The following L3MBTL3 variants were observed in gnomAD, a reference collection of about 807,000 sequenced individuals.
L3MBTL3 encodes the protein lethal(3)malignant brain tumor-like protein 3.
In L3MBTL3, 27 loss-of-function variants were observed where a neutral mutation model predicts 102.3. That is an observed-to-expected ratio of 0.26 (90% CI 0.19 to 0.36). The LOEUF is 0.36. Ranked by LOEUF, L3MBTL3 falls within the 10% of genes least tolerant of loss-of-function variation. The pLI is 1.00. For synonymous variants in L3MBTL3, 340 were observed against 320.9 expected (o/e 1.06, Z -0.64); for missense variants, 798 against 955.3 (o/e 0.84, Z 2.17).
At chr6:130,134,542 C>CT (rs1009763043) in intron 22 of L3MBTL3, among the ~76,000 whole-genome samples, 7 of 152,180 alleles carry the variant, frequency 4.6e-5, no homozygotes, top group African/African-American at 1.7e-4. Flanking sequence ...TGGTTTCTAA[C>CT]TTTTAATTCT....
intron 2 of L3MBTL3, among the ~76,000 whole-genome samples, chr6:130,036,628 G>T (rs1780084099): frequency 6.6e-6 from 1 of 152,110 alleles, no homozygotes; most frequent in Non-Finnish European, 1.5e-5. Context: ...GGATTTTGCT[G>T]CTGTGAATTT....
chr6:130,133,636 C>G lies in L3MBTL3; in HGVS notation c.2136+15C>G. ...GCACAGACGAGGTATATTTTATTTT[C>G]TTTGCTGCCCGACACCAGATACAGG... On this transcript the variant is annotated intron_variant, in intron 21 of 22. Transcript: ENST00000361794. This position sits in a 1 kb window ranked among gnomAD's most constrained non-coding sequence, Gnocchi z 4.9. 6.2e-7 allele frequency: 1 copy of G among 1,611,396 alleles called. No homozygotes were observed. The highest frequency in any genetic ancestry group is 8.5e-7 in the Non-Finnish European group (1 of 1,179,694).
chr6:130,025,589 C>T lies in L3MBTL3; in HGVS notation c.-16+3284C>T, dbSNP rs370108027. Among the ~76,000 whole-genome samples, 724 of 152,220 alleles carry T rather than the reference C, an allele frequency of 4.8e-3. 60 individuals are homozygous for T. In the South Asian group the frequency reaches 0.14, roughly 29 times the overall value. Reference sequence around the variant, plus strand: ...AATGAACAAGGATCTTTGAGAGGAACTTGAGTAAAGTTAAGTTGGGTGATC... The same window carrying T: ...AATGAACAAGGATCTTTGAGAGGAATTTGAGTAAAGTTAAGTTGGGTGATC... On this transcript the variant is annotated intron_variant, in intron 2 of 22. Transcript: ENST00000361794.
At chr6:130,055,778 G>C (rs1781464177) in intron 8 of L3MBTL3, among the ~76,000 whole-genome samples, 2 of 149,788 alleles carry the variant, frequency 1.3e-5, no homozygotes. Flanking sequence ...CTCTGTTCTT[G>C]TTCATTTCCC....
chr6:130,084,848 G>A (rs1412397621), intron 15 of L3MBTL3, among the ~76,000 whole-genome samples: 1 of 151,852 alleles, frequency 6.6e-6, no homozygotes. Context: ...TTTGTTGTTT[G>A]AGTCAGGGTC....
chr6:130,050,283 G>A (rs184775259), intron 5 of L3MBTL3, among the ~76,000 whole-genome samples: 7 of 152,274 alleles, frequency 4.6e-5, no homozygotes, highest in East Asian at 1.9e-4. Context: ...CTACCTGCTC[G>A]CCTTGTCTCC....
chr6:130,108,220 G>GTTTTTTTTTTTTTT (rs376419261), intron 19 of L3MBTL3, among the ~76,000 whole-genome samples: 3 of 118,720 alleles, frequency 2.5e-5, no homozygotes, highest in Admixed American at 9.6e-5. Flanking sequence ...ATGTTAGGTG[G>GTTTTTTTTTTTTTT]TTTTTTTTTT....
At chr6:130,073,509 A>AT (rs34136329) in intron 13 of L3MBTL3, among the ~76,000 whole-genome samples, 2 of 152,050 alleles carry the variant, frequency 1.3e-5, no homozygotes, top group Non-Finnish European at 2.9e-5. Context: ...TTTGGGGAGG[A>AT]TTTTTTTAAA....
chr6:130,086,398 A>G, intron 16 of L3MBTL3, 148 bp downstream of exon 16: 1 of 639,160 alleles, frequency 1.6e-6, no homozygotes, highest in South Asian at 1.9e-5. Flanking sequence ...TTTGTAAATC[A>G]GCATTCTTCC....
intron 13 of L3MBTL3, among the ~76,000 whole-genome samples, chr6:130,071,578 C>T (rs551577095): frequency 5.9e-4 from 89 of 151,784 alleles, no homozygotes; most frequent in African/African-American, 2.1e-3. Context: ...ATAATAAAGC[C>T]ATTATATTTT....
intron 2 of L3MBTL3, among the ~76,000 whole-genome samples, chr6:130,029,083 T>C (rs1213394099): frequency 6.6e-6 from 1 of 152,212 alleles, no homozygotes; most frequent in Non-Finnish European, 1.5e-5. Flanking sequence ...TCATAAGAGA[T>C]AACAAAATGG....
At chr6:130,125,585 A>G (rs891728214) in intron 20 of L3MBTL3, among the ~76,000 whole-genome samples, 5 of 152,166 alleles carry the variant, frequency 3.3e-5, no homozygotes, top group Non-Finnish European at 7.4e-5. Context: ...GTCCTGGCAC[A>G]ATTCCTCTTT....
chr6:130,056,761 TC>T (rs1470654251), intron 8 of L3MBTL3, among the ~76,000 whole-genome samples: 1 of 152,130 alleles, frequency 6.6e-6, no homozygotes, highest in African/African-American at 2.4e-5. Context: ...TCACATTTTT[TC>T]CTTAAGTTTT....
chr6:130,077,935 A>G (rs1426529684), intron 13 of L3MBTL3, among the ~76,000 whole-genome samples: 3 of 152,202 alleles, frequency 2.0e-5, no homozygotes, highest in African/African-American at 4.8e-5. Flanking sequence ...AGAGAAAAAC[A>G]TGGCAAAAGT....
At chr6:130,050,392 C>T (rs988115118) in intron 5 of L3MBTL3, among the ~76,000 whole-genome samples, 1 of 152,222 alleles carries the variant, frequency 6.6e-6, no homozygotes, top group African/African-American at 2.4e-5. Context: ...TTCATGCTTT[C>T]TTGCCTTTAC....
intron 2 of L3MBTL3, among the ~76,000 whole-genome samples, chr6:130,031,323 A>G (rs1779709156): frequency 6.6e-6 from 1 of 152,102 alleles, no homozygotes; most frequent in Non-Finnish European, 1.5e-5. Flanking sequence ...CTAAAACACT[A>G]CCTTACTTTC....
chr6:130,102,234 T>C (rs966572474), intron 18 of L3MBTL3, among the ~76,000 whole-genome samples: 1 of 152,158 alleles, frequency 6.6e-6, no homozygotes. Flanking sequence ...CAAAGGATAC[T>C]GTGACTCTCT....
At chr6:130,075,494 C>T (rs774973308) in intron 13 of L3MBTL3, among the ~76,000 whole-genome samples, 2 of 152,120 alleles carry the variant, frequency 1.3e-5, no homozygotes. Flanking sequence ...TAGTTGTCTT[C>T]TGAAAGGGAT....
chr6:130,074,674 A>G (rs1782844748), intron 13 of L3MBTL3, among the ~76,000 whole-genome samples: 1 of 152,060 alleles, frequency 6.6e-6, no homozygotes, highest in Non-Finnish European at 1.5e-5. Flanking sequence ...AAAAAATGTT[A>G]TTTTCATGTA....
Sources: gnomAD v4.1 joint callset for allele counts (sites outside exome capture counted in the v4.1 genomes callset) on GRCh38, gnomAD v4.1.1 for gene constraint, Gnocchi (gnomAD v3.1) non-coding constraint, MANE v1.5 for transcripts, NCBI Gene and HGNC (gene_info 2026-07-23, HGNC 2026-07-21) for gene names.